CYP2W1: variants seen among roughly 807,000 people sequenced by gnomAD.
CYP2W1 encodes the protein cytochrome P450 family 2 subfamily W member 1.
A neutral mutation model predicts 44.9 loss-of-function variants in CYP2W1; 51 were observed. The observed-to-expected ratio is 1.14, with a 90% CI of 0.91 to 1.43. CYP2W1 has a LOEUF of 1.43. Ranked by LOEUF, CYP2W1 falls within the 40% of genes most tolerant of loss-of-function variation. CYP2W1 has a pLI of 0.00. For synonymous variants in CYP2W1, 383 were observed against 338.3 expected, an observed-to-expected ratio of 1.13 and a Z score of -1.45; for missense variants, 746 against 700.0, an observed-to-expected ratio of 1.07 and a Z score of -0.74.
intron 4 of CYP2W1, 110 bp from the exon 5 acceptor site, chr7:986,514 C>T: frequency 1.5e-6 from 2 of 1,295,692 alleles, no homozygotes; most frequent in Non-Finnish European, 2.2e-6. Flanking sequence ...TCCAGCACAT[C>T]CACCCAGAGT....
Position 987,449 on chromosome 7 carries a change from T to A in CYP2W1, c.1061T>A (p.Val354Glu), listed in dbSNP as rs1848451975. 2.5e-6 allele frequency: 4 copies of A among 1,582,270 alleles called. No homozygotes were observed. Among genetic ancestry groups the A allele is most frequent in the Non-Finnish European group, 3.4e-6 (4 of 1,172,172 alleles). ...TACACAAGCGCCGTGCTCCACGAGG[T>A]GCAGCGGTTCATCACGCTCCTGCCG... ...LPYTSAVLHE[V>E]QRFITLLPHV... The change falls in exon 7 of 9, where the codon GTG (valine) becomes GAG (glutamate). Residue 354 changes from valine (V) to glutamate (E), a missense_variant. By Grantham distance (121) the Val-to-Glu change is moderately radical. Transcript: ENST00000308919.
At chr7:986,488 C>G (rs1246746129) in intron 4 of CYP2W1, 136 bp from the exon 5 acceptor site, 2 of 1,017,944 alleles carry the variant, frequency 2.0e-6, no homozygotes, top group African/African-American at 1.6e-5. Context: ...AAGGGTCCCC[C>G]CGTTCTGTGG....
chr7:985,021 G>T lies in CYP2W1; in HGVS notation c.409G>T (p.Gly137Cys). The T allele has an allele frequency of 6.2e-7, 1 of 1,612,084 alleles. No homozygotes were observed. Among genetic ancestry groups the T allele is most frequent in the Non-Finnish European group, 8.5e-7 (1 of 1,179,858 alleles). ...CACGGTGCGTGCCCTGCACAGCCTGGGCGTGGGCCGGGAGCCGGTGGCTGA... is the reference window on the plus strand; with the variant it reads ...CACGGTGCGTGCCCTGCACAGCCTGTGCGTGGGCCGGGAGCCGGTGGCTGA... ...QFTVRALHSL[G>C]VGREPVADKI... is the part of the protein sequence containing the mutation. Residue 137 changes from glycine to cysteine, a missense_variant, in exon 3 of 9, where the codon GGC (glycine) becomes TGC (cysteine). Gly to Cys is a radical substitution (Grantham distance 159). Coordinates refer to ENST00000308919, the MANE Select transcript of CYP2W1 (RefSeq NM_017781.3).
At position 984,987 on chromosome 7, in the gene CYP2W1, C is replaced by T. The variant is rs1333984954; in HGVS notation, c.375C>T (p.Ala125=). 8.1e-6 allele frequency: 13 copies of T among 1,609,466 alleles called. No homozygotes were observed. The Admixed American group carries it at 1.0e-4, about 12-fold the overall frequency. The change falls in exon 3 of 9, where the codon GCC becomes GCT. Residue 125 remains alanine (A), a synonymous_variant. Coordinates refer to ENST00000308919, the MANE Select transcript of CYP2W1 (RefSeq NM_017781.3). ...FFSSGARWRA[A]RQFTVRALHS... ...CATCTGGGGCGCGCTGGAGGGCTGC[C>T]CGCCAGTTCACGGTGCGTGCCCTGC...
chr7:987,103 G>A lies in CYP2W1; in HGVS notation c.820-4G>A. 1.3e-6 allele frequency: 2 copies of A among 1,537,990 alleles called. No homozygotes were observed. Among genetic ancestry groups the A allele is most frequent in the East Asian group, 2.4e-5 (1 of 42,486 alleles). The stretch of plus-strand genomic sequence containing the variant: ...CCCACGAGCCCTGCCCCACGCCTCT[G>A]CAGGGGGATGACCCCGAGGGCCTGT... On this transcript the variant is annotated splice_region_variant and splice_polypyrimidine_tract_variant and intron_variant, in intron 5 of 8. Transcript: ENST00000308919.
chr7:983,216 C>T lies in CYP2W1; in HGVS notation c.5C>T (p.Ala2Val). 10 of 1,510,882 alleles carry T rather than the reference C, an allele frequency of 6.6e-6. No homozygotes were observed. The highest frequency in any genetic ancestry group is 2.3e-4 in the Middle Eastern group (1 of 4,336). 93.6% of individuals were successfully genotyped at this position (1,510,882 alleles called of 1,614,324 possible). Reference sequence around the variant, plus strand: ...AGCCTCACCAGCCACGTCCTCATGGCCCTGCTGCTCTTGCTGTTCCTGGGC... The same window carrying T: ...AGCCTCACCAGCCACGTCCTCATGGTCCTGCTGCTCTTGCTGTTCCTGGGC... M[A>V]LLLLLFLGLL... Residue 2 changes from alanine (A) to valine (V), a missense_variant, in exon 1 of 9, where the codon GCC (alanine) becomes GTC (valine). Coordinates refer to ENST00000308919, the MANE Select transcript of CYP2W1 (RefSeq NM_017781.3).
intron 8 of CYP2W1, 34 bp downstream of exon 8, chr7:988,452 C>A (rs1269934750): frequency 6.2e-7 from 1 of 1,610,852 alleles, no homozygotes; most frequent in East Asian, 2.2e-5. Flanking sequence ...TGGGGCGGCA[C>A]CTCCAGGGCT....
intron 1 of CYP2W1, 58 bp downstream of exon 1, chr7:983,443 C>A: frequency 7.3e-7 from 1 of 1,369,106 alleles, no homozygotes; most frequent in Non-Finnish European, 9.5e-7. Flanking sequence ...GTCCTGGCCC[C>A]CCTCCTGGGG....
Position 988,448 on chromosome 7 carries a change from G to A in CYP2W1, c.1285+30G>A, listed in dbSNP as rs199992488. On this transcript the variant is annotated intron_variant, in intron 8 of 8. Transcript: ENST00000308919. ...GCAGCCCTCGGGGCCGGGGTGGGGC[G>A]GCACCTCCAGGGCTCCAGGGGTGGG... The A allele has an allele frequency of 2.2e-4, 362 of 1,611,048 alleles. No homozygotes were observed. In the African/African-American group the frequency reaches 3.9e-3, roughly 17 times the overall value.
chr7:986,129 C>T (rs978811724), intron 4 of CYP2W1, among the ~76,000 whole-genome samples: 2 of 152,150 alleles, frequency 1.3e-5, no homozygotes, highest in African/African-American at 4.8e-5. Context: ...AGAGACGCCG[C>T]GTGGAACTCA....
In CYP2W1 at chr7:986,723, G is replaced by A. The variant is rs2128123786; in HGVS notation, c.745G>A (p.Glu249Lys). The A allele has an allele frequency of 3.1e-6, 5 of 1,611,264 alleles. No homozygotes were observed. Among genetic ancestry groups the A allele is most frequent in the Non-Finnish European group, 4.2e-6 (5 of 1,179,138 alleles). Residue 249 changes from glutamate (E) to lysine (K), a missense_variant, in exon 5 of 9, where the codon GAG (glutamate) becomes AAG (lysine). By Grantham distance (56) the Glu-to-Lys change is moderately conservative. Transcript: ENST00000308919. ...EVRAILRTLLEARRPHVCPGD... is the reference protein window; with the variant it reads ...EVRAILRTLLKARRPHVCPGD... The stretch of plus-strand genomic sequence containing the variant: ...CCGTGCCATTCTGAGGACCCTCCTG[G>A]AGGCGCGGAGGCCCCACGTGTGCCC...
In CYP2W1 at chr7:987,137, G is replaced by A. The variant is rs1848416806; in HGVS notation, c.850G>A (p.Ala284Thr). 6.4e-7 allele frequency: 1 copy of A among 1,572,284 alleles called. No individual in the cohort carries two copies. Among genetic ancestry groups the A allele is most frequent in the African/African-American group, 1.4e-5 (1 of 73,830 alleles). ...GDDPEGLFAEANAVACTLDMV... is the reference protein window; with the variant it reads ...GDDPEGLFAETNAVACTLDMV... ...TGACCCCGAGGGCCTGTTTGCTGAG[G>A]CCAACGCGGTGGCCTGCACCCTGGA... is the stretch of plus-strand genomic sequence containing the variant. The change falls in exon 6 of 9, where the codon GCC becomes ACC. Residue 284 changes from alanine to threonine, a missense_variant. Transcript: ENST00000308919.
Position 987,113 on chromosome 7 carries a change from G to T in CYP2W1, c.826G>T (p.Asp276Tyr). Reference sequence around the variant, plus strand: ...CTGCCCCACGCCTCTGCAGGGGGATGACCCCGAGGGCCTGTTTGCTGAGGC... The same window carrying T: ...CTGCCCCACGCCTCTGCAGGGGGATTACCCCGAGGGCCTGTTTGCTGAGGC... ...DALIQQGQGD[D>Y]PEGLFAEANA... The change falls in exon 6 of 9, where the codon GAC (aspartate) becomes TAC (tyrosine). Residue 276 changes from aspartate to tyrosine, a missense_variant. Transcript: ENST00000308919. The T allele has an allele frequency of 6.5e-7, 1 of 1,549,484 alleles. No homozygotes were observed. The highest frequency in any genetic ancestry group is 1.2e-5 in the South Asian group (1 of 83,174).
chr7:985,230 C>T lies in CYP2W1; in HGVS notation c.552C>T (p.Phe184=), dbSNP rs374435630. 40 of 1,553,134 alleles carry T rather than the reference C, an allele frequency of 2.6e-5. No individual in the cohort carries two copies. The African/African-American group carries it at 4.1e-4, about 16-fold the overall frequency. Residue 184 remains phenylalanine (F), a synonymous_variant, in exon 4 of 9, where the codon TTC becomes TTT. Transcript: ENST00000308919. ...CCAATATCACCTTCGCGCTCCTCTT[C>T]GGCCGCCGATTTGACTACCGGGACC... is the stretch of plus-strand genomic sequence containing the variant. ...APSNITFALL[F]GRRFDYRDPV... is the part of the protein sequence containing the mutation.
chr7:983,218 C>T lies in CYP2W1; in HGVS notation c.7C>T (p.Leu3=). 3 of 1,515,000 alleles carry T rather than the reference C, an allele frequency of 2.0e-6. 1 individual carries two copies. The South Asian group carries it at 3.7e-5, about 19-fold the overall frequency. The allele number at this position is 1,515,000 out of a possible 1,614,324, so 93.8% of individuals were successfully genotyped here. Residue 3 remains leucine (L), a synonymous_variant, in exon 1 of 9, where the codon CTG becomes TTG. Transcript: ENST00000308919. ...CCTCACCAGCCACGTCCTCATGGCC[C>T]TGCTGCTCTTGCTGTTCCTGGGCCT... MA[L]LLLLFLGLLG...
intron 7 of CYP2W1, among the ~76,000 whole-genome samples, chr7:987,860 CTG>C (rs1268692190): frequency 6.6e-6 from 1 of 151,002 alleles, no homozygotes; most frequent in East Asian, 1.9e-4. Flanking sequence ...GGGGTCCCCT[CTG>C]TGTGTCCTGG....
At position 988,770 on chromosome 7, in the gene CYP2W1, C is replaced by G. The variant is rs1848598314; in HGVS notation, c.1421C>G (p.Ala474Gly). ...PASLDTTPARAFTMRPRAQAL... is the reference protein window; with the variant it reads ...PASLDTTPARGFTMRPRAQAL... ...TCCCTGGACACCACGCCCGCCCGGG[C>G]TTTTACCATGAGGCCGAGGGCCCAG... Residue 474 changes from alanine to glycine, a missense_variant, in exon 9 of 9, where the codon GCT becomes GGT. Physicochemically the swap from Ala to Gly is moderately conservative, Grantham distance 60. Transcript: ENST00000308919. 1.3e-6 allele frequency: 2 copies of G among 1,597,964 alleles called. No individual in the cohort carries two copies. The highest frequency in any genetic ancestry group is 1.1e-5 in the South Asian group (1 of 90,836).
chr7:983,332 G>T lies in CYP2W1; in HGVS notation c.121G>T (p.Val41Phe), dbSNP rs372411076. Residue 41 changes from valine (V) to phenylalanine (F), a missense_variant, in exon 1 of 9, where the codon GTC (valine) becomes TTC (phenylalanine). Val to Phe is a conservative substitution (Grantham distance 50). Transcript: ENST00000308919. Reference sequence around the variant, plus strand: ...CCCGGGGCCTCGCCCGCTGCCGCTCGTCGGGAACCTGCACTTGCTGCGTCT... The same window carrying T: ...CCCGGGGCCTCGCCCGCTGCCGCTCTTCGGGAACCTGCACTTGCTGCGTCT... ...WPPGPRPLPL[V>F]GNLHLLRLSQ... 8 of 1,539,038 alleles carry T rather than the reference G, an allele frequency of 5.2e-6. No homozygotes were observed. The African/African-American group carries it at 8.2e-5, about 16-fold the overall frequency.
In CYP2W1 at chr7:988,631, G is replaced by T; in HGVS notation, c.1286-4G>T. 3.1e-6 allele frequency: 5 copies of T among 1,602,398 alleles called. No homozygotes were observed. Among genetic ancestry groups the T allele is most frequent in the Non-Finnish European group, 3.4e-6 (4 of 1,179,082 alleles). ...CCCACTCTGTGCCTGGACATCCCCCGCAGGCCGCCGCGTCTGTGTTGGGGA... is the reference window on the plus strand; with the variant it reads ...CCCACTCTGTGCCTGGACATCCCCCTCAGGCCGCCGCGTCTGTGTTGGGGA... On this transcript the variant is annotated splice_polypyrimidine_tract_variant and splice_region_variant and intron_variant, in intron 8 of 8. Coordinates refer to ENST00000308919, the MANE Select transcript of CYP2W1 (RefSeq NM_017781.3).
Sources: gnomAD v4.1 joint callset for allele counts (sites outside exome capture counted in the v4.1 genomes callset) on GRCh38, gnomAD v4.1.1 for gene constraint, MANE v1.5 for transcripts, NCBI Gene and HGNC (gene_info 2026-07-23, HGNC 2026-07-21) for gene names.